MAST4: variants seen among roughly 807,000 people sequenced by gnomAD.
MAST4 encodes the protein microtubule-associated serine/threonine-protein kinase 4.
Under a neutral mutation model 162.7 loss-of-function variants are expected in MAST4, and 89 were observed. The observed-to-expected ratio is 0.55, with a 90% CI of 0.46 to 0.65. The LOEUF (loss-of-function observed/expected upper bound fraction) is 0.65. MAST4 is among the 30% of genes least tolerant of loss of function. The pLI, the probability that MAST4 is intolerant of heterozygous loss-of-function variation, is 0.00. For synonymous variants in MAST4, 1,479 were observed against 1,361.1 expected (o/e 1.09, Z -1.91); for missense variants, 3,153 against 3,374.0 (o/e 0.93, Z 1.62).
In MAST4 at chr5:67,166,445, C is replaced by T. The variant is rs749802523; in HGVS notation, c.7266C>T (p.Pro2422=). ...KGFPEARGKG[P]GPQKPPTEAD... ...TCCCTGAGGCCAGAGGGAAAGGGCCCGGTCCCCAGAAGCCACCGACGGAGG... is the reference window on the plus strand; with the variant it reads ...TCCCTGAGGCCAGAGGGAAAGGGCCTGGTCCCCAGAAGCCACCGACGGAGG... Residue 2422 remains proline (P), a synonymous_variant, in exon 29 of 29, where the codon CCC becomes CCT. Coordinates refer to ENST00000403625, the MANE Select transcript of MAST4 (RefSeq NM_001164664.2). The T allele has an allele frequency of 1.9e-6, 3 of 1,601,960 alleles. No homozygotes were observed. Among genetic ancestry groups the T allele is most frequent in the Admixed American group, 1.7e-5 (1 of 58,610 alleles).
At chr5:67,115,374 C>T (rs1766774873) in intron 12 of MAST4, among the ~76,000 whole-genome samples, 1 of 152,192 alleles carries the variant, frequency 6.6e-6, no homozygotes, top group Admixed American at 6.5e-5. Context: ...CAGAGATTTT[C>T]CCATCTGAAG....
intron 19 of MAST4, among the ~76,000 whole-genome samples, chr5:67,138,971 TA>T (rs1051237666): frequency 6.6e-6 from 1 of 152,248 alleles, no homozygotes; most frequent in African/African-American, 2.4e-5. Flanking sequence ...TCTCTGTGTT[TA>T]TAAATCATAG....
Position 67,145,149 on chromosome 5 carries a change from A to G in MAST4, c.2864A>G (p.Gln955Arg). The change falls in exon 23 of 29, where the codon CAG (glutamine) becomes CGG (arginine). Residue 955 changes from glutamine to arginine, a missense_variant. Gln to Arg is a conservative substitution (Grantham distance 43). Coordinates refer to ENST00000403625, the MANE Select transcript of MAST4 (RefSeq NM_001164664.2). ...SWSSEYSEMQ[Q>R]LSTSNSSDTE... ...TGTTTTTGCTTTTAATTAAGGCAACAGCTATCAACATCCAACTCTTCAGAT... is the reference window on the plus strand; with the variant it reads ...TGTTTTTGCTTTTAATTAAGGCAACGGCTATCAACATCCAACTCTTCAGAT... 1 of 1,606,642 alleles carries G rather than the reference A, an allele frequency of 6.2e-7. No homozygotes were observed. Among genetic ancestry groups the G allele is most frequent in the Non-Finnish European group, 8.5e-7 (1 of 1,175,966 alleles).
chr5:66,900,030 GTTTATAGTATGATTC>G (rs900279108), intron 4 of MAST4, 48 bp downstream of exon 4: 3 of 1,279,850 alleles, frequency 2.3e-6, no homozygotes, highest in Non-Finnish European at 3.2e-6. Context: ...TTAATATATA[GTTTATAGTATGATTC>G]TTCTCTGATT....
At chr5:67,038,241 CTT>C (rs55716804) in intron 4 of MAST4, among the ~76,000 whole-genome samples, 15,131 of 144,054 alleles carry the variant, frequency 0.11, 863 homozygotes, top group Non-Finnish European at 0.12. Flanking sequence ...TTTAGTTTCT[CTT>C]TTTTTTTTTT....
chr5:66,937,889 C>A lies in MAST4; in HGVS notation c.674+37907C>A, dbSNP rs1020292658. Among the ~76,000 whole-genome samples the A allele has an allele frequency of 2.6e-5, 4 of 151,882 alleles. No homozygotes were observed. The East Asian group carries it at 7.7e-4, about 29-fold the overall frequency. ...TGTTTTCTTTTCCTTGTAGTTAACC[C>A]ATATTTTTTTATGATTATACCCTTT... is the stretch of plus-strand genomic sequence containing the variant. On this transcript the variant is annotated intron_variant, in intron 4 of 28. Coordinates refer to ENST00000403625, the MANE Select transcript of MAST4 (RefSeq NM_001164664.2).
chr5:67,095,323 T>G (rs1021079902), intron 6 of MAST4, among the ~76,000 whole-genome samples: 13 of 152,158 alleles, frequency 8.5e-5, no homozygotes, highest in Admixed American at 7.9e-4. Flanking sequence ...CCATTGTAAT[T>G]ATCCCTGGTA....
At chr5:67,035,950 G>T (rs746092801) in intron 4 of MAST4, among the ~76,000 whole-genome samples, 1 of 152,102 alleles carries the variant, frequency 6.6e-6, no homozygotes, top group Non-Finnish European at 1.5e-5. Flanking sequence ...TCTCAGGAAA[G>T]CAGACCCCTC....
intron 1 of MAST4, among the ~76,000 whole-genome samples, chr5:66,695,082 A>C (rs984185942): frequency 3.9e-5 from 6 of 152,132 alleles, no homozygotes; most frequent in African/African-American, 1.4e-4. Flanking sequence ...TTTTGTCATG[A>C]AATCTTTGCC....
rs1261018026 is a variant in MAST4 at position 67,166,908 on chromosome 5, A to G, written c.7729A>G (p.Asn2577Asp). The change falls in exon 29 of 29, where the codon AAC (asparagine) becomes GAC (aspartate). Residue 2577 changes from asparagine (N) to aspartate (D), a missense_variant. By Grantham distance (23) the Asn-to-Asp change is conservative. This residue lies in a region of MAST4 where 1,644 missense variants were observed against 1,495.0 expected (regional missense o/e 1.10). Coordinates refer to ENST00000403625, the MANE Select transcript of MAST4 (RefSeq NM_001164664.2). Reference sequence around the variant, plus strand: ...CCAGCCTCCCCCAGCTAGGAAACAGAACGTGGGCAGAGACGTGACCAAGCC... The same window carrying G: ...CCAGCCTCCCCCAGCTAGGAAACAGGACGTGGGCAGAGACGTGACCAAGCC... ...PAQPPPARKQNVGRDVTKPSP... is the reference protein window; with the variant it reads ...PAQPPPARKQDVGRDVTKPSP... 25 of 1,611,472 alleles carry G rather than the reference A, an allele frequency of 1.6e-5. No individual in the cohort carries two copies. Among genetic ancestry groups the G allele is most frequent in the Non-Finnish European group, 2.1e-5 (25 of 1,179,206 alleles).
chr5:66,938,235 G>C (rs1742976290), intron 4 of MAST4, among the ~76,000 whole-genome samples: 1 of 151,740 alleles, frequency 6.6e-6, no homozygotes, highest in Admixed American at 6.6e-5. Flanking sequence ...TGCTTTTACT[G>C]CCTTATTAAG....
chr5:66,861,674 T>C (rs1760128358), intron 3 of MAST4, among the ~76,000 whole-genome samples: 1 of 152,248 alleles, frequency 6.6e-6, no homozygotes, highest in South Asian at 2.1e-4. Context: ...AATGACATTA[T>C]GGCAGTGTGA....
intron 1 of MAST4, among the ~76,000 whole-genome samples, chr5:66,597,406 G>A (rs1742261700): frequency 6.6e-6 from 1 of 152,210 alleles, no homozygotes; most frequent in Non-Finnish European, 1.5e-5. Flanking sequence ...TTGGGCCGAG[G>A]GGCAGGGAGT....
chr5:67,167,264 C>CAAAAAAAA lies in MAST4; in HGVS notation c.*235_*242dup, dbSNP rs34486167. Reference sequence around the variant, plus strand: ...AAACTGTTACCAGATAGTGTTTGTACAAAAAAAAAAAAAAAAAAAAAAAAA... The same window carrying CAAAAAAAA: ...AAACTGTTACCAGATAGTGTTTGTACAAAAAAAAAAAAAAAAAAAAAAAAAAAAAAAAA... On this transcript the variant is annotated 3_prime_UTR_variant, in exon 29 of 29. Coordinates refer to ENST00000403625, the MANE Select transcript of MAST4 (RefSeq NM_001164664.2). 1.3e-5 allele frequency: 1 copy of CAAAAAAAA among 79,368 alleles called. No homozygotes were observed. Among genetic ancestry groups the CAAAAAAAA allele is most frequent in the Non-Finnish European group, 2.4e-5 (1 of 41,608 alleles). The allele number at this position is 79,368 out of a possible 1,614,324, so 4.9% of individuals were successfully genotyped here.
intron 10 of MAST4, among the ~76,000 whole-genome samples, chr5:67,108,744 C>T (rs1273667631): frequency 2.6e-5 from 4 of 152,064 alleles, no homozygotes; most frequent in African/African-American, 9.7e-5. Flanking sequence ...GGCTTAAATT[C>T]AGCAGACATA....
intron 4 of MAST4, among the ~76,000 whole-genome samples, chr5:66,928,477 C>T (rs369908957): frequency 9.2e-5 from 14 of 152,306 alleles, no homozygotes; most frequent in African/African-American, 2.9e-4. Context: ...ACGCTCAATC[C>T]GGGCTTTCCT....
chr5:66,609,700 T>TG (rs1330837666), intron 1 of MAST4, among the ~76,000 whole-genome samples: 7 of 110,728 alleles, frequency 6.3e-5, no homozygotes, highest in Admixed American at 5.6e-4. Flanking sequence ...TGTTTTTTTT[T>TG]TTTTGTTTTT....
At chr5:66,861,936 G>A (rs990956451) in intron 3 of MAST4, among the ~76,000 whole-genome samples, 16 of 152,136 alleles carry the variant, frequency 1.1e-4, no homozygotes, top group African/African-American at 3.6e-4. Context: ...CTCTTCATCT[G>A]TTTCACATAG....
intron 4 of MAST4, among the ~76,000 whole-genome samples, chr5:66,904,643 T>G (rs528074870): frequency 2.5e-4 from 38 of 152,102 alleles, no homozygotes; most frequent in Non-Finnish European, 4.9e-4. Context: ...TTTCTTAGCT[T>G]TAAGTTCTCT....
Sources: allele counts gnomAD v4.1 joint callset (sites outside exome capture counted in the v4.1 genomes callset), GRCh38; gene constraint gnomAD v4.1.1; regional missense constraint gnomAD v4.1.1; transcripts MANE v1.5; gene names NCBI Gene and HGNC (gene_info 2026-07-23, HGNC 2026-07-21).